Variants in UGT8 observed in about 807,000 individuals in gnomAD.
UGT8 encodes the protein UDP glycosyltransferase 8, also known as 2-hydroxyacylsphingosine 1-beta-galactosyltransferase.
Under a neutral mutation model 40.5 loss-of-function variants are expected in UGT8, and 12 were observed. That is an observed-to-expected ratio of 0.30 (90% CI 0.19 to 0.48). UGT8 has a LOEUF of 0.48. Ranked by LOEUF, UGT8 falls within the 20% of genes least tolerant of loss-of-function variation. The pLI is 0.99. For missense variants in UGT8, 513 were observed against 648.7 expected, an observed-to-expected ratio of 0.79 and a Z score of 2.27; for synonymous variants, 224 against 240.4, an observed-to-expected ratio of 0.93 and a Z score of 0.63.
chr4:114,675,739 CA>C (rs59103664), intron 5 of UGT8, 185 bp from the exon 6 acceptor site: 438 of 70,984 alleles, frequency 6.2e-3, no homozygotes, highest in African/African-American at 0.013. Context: ...GACTCCGTCT[CA>C]AAAAAAAAAA....
intron 3 of UGT8, 108 bp downstream of exon 3, chr4:114,664,245 C>A: frequency 1.6e-6 from 2 of 1,235,142 alleles, no homozygotes; most frequent in African/African-American, 1.5e-5. Context: ...ACAAGATTAG[C>A]AAGATGCCCT....
At chr4:114,658,324 C>G (rs1403967795) in intron 2 of UGT8, among the ~76,000 whole-genome samples, 1 of 152,188 alleles carries the variant, frequency 6.6e-6, no homozygotes, top group Non-Finnish European at 1.5e-5. Context: ...GTAGGATTCT[C>G]TCACAGTCCA....
chr4:114,650,721 G>A (rs1195253423), intron 2 of UGT8, among the ~76,000 whole-genome samples: 1 of 151,888 alleles, frequency 6.6e-6, no homozygotes, highest in Non-Finnish European at 1.5e-5. Flanking sequence ...CAGTCTTCAG[G>A]TTACAGGAAT....
chr4:114,611,999 C>T (rs1184479791), intron 1 of UGT8, among the ~76,000 whole-genome samples: 4 of 152,098 alleles, frequency 2.6e-5, no homozygotes, highest in South Asian at 2.1e-4. Context: ...TTGAGACCCA[C>T]TTATCTATGA....
chr4:114,604,585 G>C (rs1730628555), intron 1 of UGT8, among the ~76,000 whole-genome samples: 1 of 150,966 alleles, frequency 6.6e-6, no homozygotes, highest in Non-Finnish European at 1.5e-5. Context: ...TTTTAAATTA[G>C]ATTTCTATTT....
chr4:114,600,485 A>T (rs1296434327), intron 1 of UGT8, among the ~76,000 whole-genome samples: 2 of 152,194 alleles, frequency 1.3e-5, no homozygotes, highest in African/African-American at 4.8e-5. Context: ...TGAAGGAAGG[A>T]TAGAAAGTGC....
At chr4:114,634,948 A>G (rs368036984) in intron 2 of UGT8, among the ~76,000 whole-genome samples, 2 of 152,106 alleles carry the variant, frequency 1.3e-5, no homozygotes, top group East Asian at 3.8e-4. Context: ...CTGATAATTC[A>G]TAAAGCTGGA....
rs903555564 is a variant in UGT8 at position 114,623,291 on chromosome 4, G to A, written c.411G>A (p.Val137=). 2 of 1,614,158 alleles carry A rather than the reference G, an allele frequency of 1.2e-6. No individual in the cohort carries two copies. The highest frequency in any genetic ancestry group is 1.1e-5 in the South Asian group (1 of 91,084). ...LKKEKFDLLL[V]DPNDMCGFVI... ...AAGAAAAATTTGACCTGCTGCTGGT[G>A]GACCCTAATGATATGTGTGGATTTG... The change falls in exon 2 of 6, where the codon GTG becomes GTA. Residue 137 remains valine, a synonymous_variant. Transcript: ENST00000310836.
At chr4:114,652,813 C>T (rs1309586810) in intron 2 of UGT8, among the ~76,000 whole-genome samples, 4 of 151,976 alleles carry the variant, frequency 2.6e-5, no homozygotes, top group South Asian at 2.1e-4. Context: ...TTTATTCTAA[C>T]GTTGGAGTCT....
intron 2 of UGT8, among the ~76,000 whole-genome samples, chr4:114,624,580 T>G (rs1486276836): frequency 6.6e-6 from 1 of 152,118 alleles, no homozygotes; most frequent in Non-Finnish European, 1.5e-5. Flanking sequence ...TCAAAACAAT[T>G]TTGCTAAATT....
rs547310988 is a variant in UGT8 at position 114,675,824 on chromosome 4, A to G, written c.1263-101A>G. On this transcript the variant is annotated intron_variant, in intron 5 of 5. Coordinates refer to ENST00000310836, the MANE Select transcript of UGT8 (RefSeq NM_001128174.3). ...TGTACATGCAAGGTACTTACTAAAGAATAGTTGTTTTAATTATTTCCCCTT... is the reference window on the plus strand; with the variant it reads ...TGTACATGCAAGGTACTTACTAAAGGATAGTTGTTTTAATTATTTCCCCTT... 15 of 1,416,602 alleles carry G rather than the reference A, an allele frequency of 1.1e-5. No individual in the cohort carries two copies. In the East Asian group the frequency reaches 3.6e-4, roughly 34 times the overall value. The allele number at this position is 1,416,602 out of a possible 1,614,324, so 87.8% of individuals were successfully genotyped here.
chr4:114,603,944 T>C (rs572400903), intron 1 of UGT8, among the ~76,000 whole-genome samples: 2 of 152,270 alleles, frequency 1.3e-5, no homozygotes, highest in Admixed American at 1.3e-4. Context: ...ATTTTTAAGA[T>C]GAAAATTTGA....
intron 5 of UGT8, 140 bp downstream of exon 5, chr4:114,668,444 A>G (rs1285602949): frequency 2.6e-6 from 2 of 765,792 alleles, no homozygotes; most frequent in Admixed American, 2.9e-5. Flanking sequence ...TGCTTTGTGC[A>G]TGTTTTCTAT....
intron 2 of UGT8, among the ~76,000 whole-genome samples, chr4:114,660,697 C>A (rs1429717194): frequency 6.6e-6 from 1 of 152,000 alleles, no homozygotes; most frequent in East Asian, 1.9e-4. Context: ...TCAAGACCAT[C>A]CTGGCTAACA....
At chr4:114,668,337 C>A (rs546839094) in intron 5 of UGT8, 33 bp downstream of exon 5, 4 of 1,567,144 alleles carry the variant, frequency 2.6e-6, no homozygotes, top group African/African-American at 1.4e-5. Flanking sequence ...AGCTGATGAA[C>A]TTACATACCA....
intron 2 of UGT8, among the ~76,000 whole-genome samples, chr4:114,647,711 C>G (rs1239092516): frequency 6.6e-6 from 1 of 152,086 alleles, no homozygotes; most frequent in African/African-American, 2.4e-5. Context: ...CTGCTTGTAT[C>G]TCCATTTTCA....
At chr4:114,633,073 T>C (rs1257841952) in intron 2 of UGT8, among the ~76,000 whole-genome samples, 1 of 152,188 alleles carries the variant, frequency 6.6e-6, no homozygotes, top group Admixed American at 6.5e-5. Flanking sequence ...CTTTTTCACA[T>C]GTATAACATT....
intron 2 of UGT8, among the ~76,000 whole-genome samples, chr4:114,625,311 G>A (rs756900366): frequency 8.6e-5 from 13 of 151,936 alleles, no homozygotes; most frequent in Non-Finnish European, 1.8e-4. Context: ...CCAGGAGTTC[G>A]AGACCAGCCT....
rs144375078 is a variant in UGT8, at chr4:114,629,320, T to G, written c.822+5618T>G. On this transcript the variant is annotated intron_variant, in intron 2 of 5. Coordinates refer to ENST00000310836, the MANE Select transcript of UGT8 (RefSeq NM_001128174.3). ...GTTACTAATTCTGAGTTCAGAAATG[T>G]TAGTACTTTAACTACTGTTTGTTTG... 7.2e-3 allele frequency among the ~76,000 whole-genome samples: 1,092 copies of G among 152,300 alleles called. 15 individuals are homozygous for G. The highest frequency in any genetic ancestry group is 0.024 in the African/African-American group (1,012 of 41,566).
Sources: gnomAD v4.1 joint callset for allele counts (sites outside exome capture counted in the v4.1 genomes callset) on GRCh38, gnomAD v4.1.1 for gene constraint, MANE v1.5 for transcripts, NCBI Gene and HGNC (gene_info 2026-07-23, HGNC 2026-07-21) for gene names.